The following KHDRBS2 variants were observed in gnomAD, a reference collection of about 807,000 sequenced individuals.
The protein encoded by KHDRBS2 is KH domain-containing, RNA-binding, signal transduction-associated protein 2.
A neutral mutation model predicts 44.3 loss-of-function variants in KHDRBS2; 26 were observed. The observed-to-expected ratio is 0.59, with a 90% confidence interval of 0.43 to 0.81. KHDRBS2 has a LOEUF of 0.81. KHDRBS2 is among the 40% of genes least tolerant of loss of function. The probability of loss-of-function intolerance (pLI) is 0.00; values close to 1 mark genes in which losing one functional copy is unlikely to be tolerated. For synonymous variants in KHDRBS2, 194 were observed against 151.1 expected, an observed-to-expected ratio of 1.28 and a Z score of -2.08; for missense variants, 476 against 433.1, an observed-to-expected ratio of 1.10 and a Z score of -0.88.
At chr6:61,977,764 T>C (rs1772986775) in intron 4 of KHDRBS2, among the ~76,000 whole-genome samples, 2 of 152,140 alleles carry the variant, frequency 1.3e-5, no homozygotes, top group Non-Finnish European at 2.9e-5. Context: ...TAAAAAAGTA[T>C]ACAACTTCAA....
intron 2 of KHDRBS2, among the ~76,000 whole-genome samples, chr6:62,146,421 C>T (rs751027065): frequency 2.0e-5 from 3 of 151,156 alleles, no homozygotes; most frequent in African/African-American, 2.4e-5. Context: ...TATTCCTTAC[C>T]TCATTAAATC....
intron 4 of KHDRBS2, among the ~76,000 whole-genome samples, chr6:61,930,883 A>G (rs373724255): frequency 5.5e-4 from 83 of 152,232 alleles, no homozygotes; most frequent in African/African-American, 1.9e-3. Context: ...TTTAAATGTT[A>G]AACCTAATAC....
intron 4 of KHDRBS2, among the ~76,000 whole-genome samples, chr6:61,907,034 A>G (rs765963139): frequency 1.6e-4 from 25 of 152,100 alleles, no homozygotes; most frequent in Non-Finnish European, 2.5e-4. Context: ...CAAACAGTGT[A>G]TGAGGGTTTC....
At chr6:62,237,122 G>T (rs891844319) in intron 1 of KHDRBS2, among the ~76,000 whole-genome samples, 1 of 152,070 alleles carries the variant, frequency 6.6e-6, no homozygotes, top group Non-Finnish European at 1.5e-5. Flanking sequence ...TGCGTCACAC[G>T]TGCTGTTTTA....
the KHDRBS2 span, among the ~76,000 whole-genome samples, chr6:61,576,992 A>T: frequency 6.6e-6 from 1 of 152,106 alleles, no homozygotes; most frequent in South Asian, 2.1e-4. Flanking sequence ...GATCATGTCT[A>T]GTTTTTCAGA....
chr6:61,666,770 G>T, the KHDRBS2 span, among the ~76,000 whole-genome samples: 9 of 151,252 alleles, frequency 6.0e-5, no homozygotes, highest in Non-Finnish European at 1.2e-4. Context: ...GCCATGTATT[G>T]CTTCAACAAT....
rs531202761 is a variant in KHDRBS2 at position 62,048,012 on chromosome 6, T to C, written c.220-18A>G. On this transcript the variant is annotated intron_variant, in intron 2 of 8. Coordinates refer to ENST00000281156, the MANE Select transcript of KHDRBS2 (RefSeq NM_152688.4). ...AAATTGAACTAGGAAACAAAATCAA[T>C]AGAATGTCTGTTTTAAGGTACAATA... 4.8e-6 allele frequency: 6 copies of C among 1,262,316 alleles called. No individual in the cohort carries two copies. The highest frequency in any genetic ancestry group is 4.4e-5 in the African/African-American group (3 of 68,322). The allele number at this position is 1,262,316 out of a possible 1,614,324, so 78.2% of individuals were successfully genotyped here.
chr6:61,695,796 TAGTC>T lies in KHDRBS2; in HGVS notation c.952+1395_952+1398del, dbSNP rs369781687. ...CCTATTTCTGGGCTTGGCCTTGTGT[TAGTC>T]AGTTTATGACTGGTTTTAAGGAAGA... On this transcript the variant is annotated intron_variant, in intron 8 of 8. Transcript: ENST00000281156. 4.3e-4 allele frequency among the ~76,000 whole-genome samples: 66 copies of T among 152,300 alleles called. No individual in the cohort carries two copies. In the East Asian group the frequency reaches 0.01, roughly 24 times the overall value.
the KHDRBS2 span, chr6:61,630,326 G>A: frequency 3.3e-5 from 5 of 151,702 alleles, no homozygotes; most frequent in Admixed American, 6.6e-5. Flanking sequence ...GACCTCGGGA[G>A]TGAGCCAATG....
intron 1 of KHDRBS2, among the ~76,000 whole-genome samples, chr6:62,208,892 C>A (rs1490810803): frequency 1.3e-5 from 2 of 152,146 alleles, no homozygotes; most frequent in Non-Finnish European, 2.9e-5. Flanking sequence ...GGAGAAATAT[C>A]TATTCAGGTC....
chr6:61,629,083 T>C, the KHDRBS2 span, among the ~76,000 whole-genome samples: 1 of 152,196 alleles, frequency 6.6e-6, no homozygotes. Flanking sequence ...GATAGCATTG[T>C]CCATATTGTC....
chr6:61,981,094 C>T (rs1773751722), intron 3 of KHDRBS2, among the ~76,000 whole-genome samples: 1 of 141,726 alleles, frequency 7.1e-6, no homozygotes, highest in Non-Finnish European at 1.6e-5. Flanking sequence ...CTGTCATTCC[C>T]TTCTTTAAAT....
At chr6:62,186,394 G>A (rs1823419790) in intron 1 of KHDRBS2, among the ~76,000 whole-genome samples, 1 of 151,996 alleles carries the variant, frequency 6.6e-6, no homozygotes, top group African/African-American at 2.4e-5. Context: ...GGCTGGACAT[G>A]AGACTTCACT....
intron 2 of KHDRBS2, among the ~76,000 whole-genome samples, chr6:62,139,899 G>A (rs1200532330): frequency 1.5e-4 from 18 of 121,238 alleles, no homozygotes; most frequent in Admixed American, 3.5e-4. Flanking sequence ...CCGCCCACCC[G>A]CCGCCAATGC....
intron 6 of KHDRBS2, among the ~76,000 whole-genome samples, chr6:61,807,334 G>A (rs1302176749): frequency 6.6e-6 from 1 of 152,076 alleles, no homozygotes; most frequent in African/African-American, 2.4e-5. Context: ...ATACCCAAAG[G>A]AATATAAATC....
intron 4 of KHDRBS2, among the ~76,000 whole-genome samples, chr6:61,916,404 G>A (rs1281131177): frequency 6.6e-6 from 1 of 151,656 alleles, no homozygotes. Flanking sequence ...TATTTAGAAT[G>A]TAACTGTGGT....
Position 61,798,093 on chromosome 6 carries a change from C to T in KHDRBS2, c.811-65329G>A, listed in dbSNP as rs116453072. On this transcript the variant is annotated intron_variant, in intron 6 of 8. Transcript: ENST00000281156. ...GTCCATGTATTCTTGTTGTTTAGCA[C>T]TCACTTATAACTGAGAACACGTGCT... 1.9e-3 allele frequency among the ~76,000 whole-genome samples: 288 copies of T among 152,186 alleles called. 2 individuals are homozygous for T. Among genetic ancestry groups the T allele is most frequent in the African/African-American group, 6.2e-3 (259 of 41,534 alleles).
At chr6:61,796,659 G>C (rs910232664) in intron 6 of KHDRBS2, among the ~76,000 whole-genome samples, 6 of 151,900 alleles carry the variant, frequency 3.9e-5, no homozygotes, top group African/African-American at 9.7e-5. Context: ...TAAAAAATTT[G>C]AAAAAAGTAT....
At chr6:62,194,139 C>T (rs1464273098) in intron 1 of KHDRBS2, among the ~76,000 whole-genome samples, 1 of 151,916 alleles carries the variant, frequency 6.6e-6, no homozygotes, top group Non-Finnish European at 1.5e-5. Context: ...TCTAAGAAAC[C>T]ACTGCCTAAC....
Sources: allele counts gnomAD v4.1 joint callset (sites outside exome capture counted in the v4.1 genomes callset), GRCh38; gene constraint gnomAD v4.1.1; transcripts MANE v1.5; gene names NCBI Gene and HGNC (gene_info 2026-07-23, HGNC 2026-07-21).